CCDC91: variants seen among roughly 807,000 people sequenced by gnomAD.
The protein encoded by CCDC91 is coiled-coil domain-containing protein 91.
Under a neutral mutation model 63.2 loss-of-function variants are expected in CCDC91, and 48 were observed. That is an observed-to-expected ratio of 0.76 (90% CI 0.60 to 0.97). CCDC91 has a LOEUF of 0.97. Among genes scored for constraint, CCDC91 ranks in the 50% least tolerant of loss-of-function variants. The pLI, the probability that CCDC91 is intolerant of heterozygous loss-of-function variation, is 0.00. For missense variants in CCDC91, 500 were observed against 494.6 expected, an observed-to-expected ratio of 1.01 and a Z score of -0.10; for synonymous variants, 167 against 165.8, an observed-to-expected ratio of 1.01 and a Z score of -0.06.
At chr12:28,454,247 G>A (rs1240955106) in intron 11 of CCDC91, among the ~76,000 whole-genome samples, 2 of 152,054 alleles carry the variant, frequency 1.3e-5, no homozygotes, top group Non-Finnish European at 2.9e-5. Context: ...TGGTTTCTAT[G>A]CATTAGAAAT....
intron 3 of CCDC91, among the ~76,000 whole-genome samples, chr12:28,266,859 T>C (rs1272478158): frequency 3.3e-5 from 5 of 151,776 alleles, no homozygotes; most frequent in Non-Finnish European, 7.4e-5. Flanking sequence ...CTCTTTATAA[T>C]CCTAAGTTAG....
rs76831754 is a variant in CCDC91, at chr12:28,192,593, C to G, written c.-15+1952C>G. On this transcript the variant is annotated intron_variant, in intron 1 of 12. Transcript: ENST00000536442. ...ATTAACTCTTGGTGTTTATGTATAT[C>G]TGTTTCTTATTTACTAACGATAAAT... 1.3e-3 allele frequency among the ~76,000 whole-genome samples: 193 copies of G among 152,202 alleles called. 1 individual carries two copies. The highest frequency in any genetic ancestry group is 4.5e-3 in the African/African-American group (188 of 41,514).
chr12:28,329,596 A>G (rs1397130361), intron 6 of CCDC91, among the ~76,000 whole-genome samples: 2 of 152,142 alleles, frequency 1.3e-5, no homozygotes, highest in Admixed American at 6.6e-5. Context: ...ATTGTCAGAT[A>G]TTAAGGACAT....
chr12:28,297,784 T>A (rs1284350566), intron 3 of CCDC91, among the ~76,000 whole-genome samples: 2 of 151,878 alleles, frequency 1.3e-5, no homozygotes, highest in Non-Finnish European at 3.0e-5. Flanking sequence ...TTTGGAACTT[T>A]AAAAATTGCA....
chr12:28,233,056 T>A (rs529340920), intron 1 of CCDC91, among the ~76,000 whole-genome samples: 5 of 152,208 alleles, frequency 3.3e-5, no homozygotes, highest in Admixed American at 3.3e-4. Flanking sequence ...CTAAGTCTTT[T>A]TTTTCCCCAA....
intron 11 of CCDC91, among the ~76,000 whole-genome samples, chr12:28,460,664 A>G (rs761968842): frequency 5.3e-5 from 8 of 152,014 alleles, no homozygotes; most frequent in Non-Finnish European, 1.0e-4. Flanking sequence ...GTCAAATACT[A>G]TTGAAGGAAC....
chr12:28,301,427 T>A (rs967924930), intron 3 of CCDC91, among the ~76,000 whole-genome samples: 10 of 151,656 alleles, frequency 6.6e-5, no homozygotes, highest in Admixed American at 5.3e-4. Flanking sequence ...ATTGGTTCAT[T>A]ACATATCATT....
chr12:28,538,119 G>T (rs1942326989), intron 12 of CCDC91, among the ~76,000 whole-genome samples: 1 of 147,730 alleles, frequency 6.8e-6, no homozygotes, highest in African/African-American at 2.5e-5. Context: ...TATTTTTAGG[G>T]TTTTTTTTTA....
intron 8 of CCDC91, among the ~76,000 whole-genome samples, chr12:28,441,520 G>T (rs1203521481): frequency 6.6e-6 from 1 of 151,644 alleles, no homozygotes; most frequent in Non-Finnish European, 1.5e-5. Context: ...TAATAAAAAG[G>T]AATTTACTGA....
rs541069997 is a variant in CCDC91, at chr12:28,431,960, G to A, written c.763-18201G>A. ...TCTATAGTTTTGCCTTTTCCAGAAG[G>A]TCGTATATTTGGAACCATACAATAT... On this transcript the variant is annotated intron_variant, in intron 8 of 12. Coordinates refer to ENST00000536442, the MANE Select transcript of CCDC91 (RefSeq NM_018318.5). Among the ~76,000 whole-genome samples, 8 of 151,850 alleles carry A rather than the reference G, an allele frequency of 5.3e-5. No individual in the cohort carries two copies. In the East Asian group the frequency reaches 1.5e-3, roughly 29 times the overall value.
chr12:28,531,152 T>C (rs1941697346), intron 12 of CCDC91, among the ~76,000 whole-genome samples: 1 of 152,182 alleles, frequency 6.6e-6, no homozygotes, highest in Non-Finnish European at 1.5e-5. Context: ...TATTGTCTTA[T>C]GTGCTTTTCA....
rs1331525337 is a variant in CCDC91, at chr12:28,362,439, A to G, written c.578A>G (p.Glu193Gly). 12 of 1,569,422 alleles carry G rather than the reference A, an allele frequency of 7.6e-6. No homozygotes were observed. Among genetic ancestry groups the G allele is most frequent in the Admixed American group, 1.9e-5 (1 of 52,856 alleles). The change falls in exon 7 of 13, where the codon GAA (glutamate) becomes GGA (glycine). Residue 193 changes from glutamate to glycine, a missense_variant and splice_region_variant. Physicochemically the swap from Glu to Gly is moderately conservative, Grantham distance 98. Transcript: ENST00000536442. ...GTTTTAGTTTCTTTTTTCTTTCAGG[A>G]AAAACATAAACAAGAATTGGAAGAC... is the stretch of plus-strand genomic sequence containing the variant. ...SFQDRYKELQ[E>G]KHKQELEDMR...
chr12:28,242,940 T>G (rs1274984857), intron 1 of CCDC91, among the ~76,000 whole-genome samples: 4 of 152,278 alleles, frequency 2.6e-5, no homozygotes, highest in African/African-American at 9.6e-5. Flanking sequence ...CTGCTTCCCC[T>G]CTGCCTTCTG....
intron 8 of CCDC91, among the ~76,000 whole-genome samples, chr12:28,445,138 GT>G (rs1402576207): frequency 6.6e-6 from 1 of 152,138 alleles, no homozygotes; most frequent in Non-Finnish European, 1.5e-5. Context: ...GGCATGTACT[GT>G]TTTAGGAACT....
intron 8 of CCDC91, among the ~76,000 whole-genome samples, chr12:28,431,448 T>C (rs1948620875): frequency 6.6e-6 from 1 of 152,174 alleles, no homozygotes; most frequent in African/African-American, 2.4e-5. Context: ...CCTGTTGTTA[T>C]TTTGTAGTGA....
At chr12:28,236,985 G>C (rs901660632) in intron 1 of CCDC91, among the ~76,000 whole-genome samples, 1 of 151,864 alleles carries the variant, frequency 6.6e-6, no homozygotes, top group African/African-American at 2.4e-5. Flanking sequence ...TTTGAATATA[G>C]TAGGGACTCT....
At chr12:28,322,860 C>A (rs918550104) in intron 6 of CCDC91, among the ~76,000 whole-genome samples, 19 of 151,482 alleles carry the variant, frequency 1.3e-4, no homozygotes, top group Non-Finnish European at 2.7e-4. Flanking sequence ...TGGGTATTGC[C>A]AGACTTTTAA....
At position 28,422,556 on chromosome 12, in the gene CCDC91, A is replaced by T. The variant is rs139465889; in HGVS notation, c.763-27605A>T. ...CTTGAGACCCTTTATTTGCCAGGAAAAACACATTTTATTAACTGCTAATTA... is the reference window on the plus strand; with the variant it reads ...CTTGAGACCCTTTATTTGCCAGGAATAACACATTTTATTAACTGCTAATTA... On this transcript the variant is annotated intron_variant, in intron 8 of 12. Transcript: ENST00000536442. Among the ~76,000 whole-genome samples the T allele has an allele frequency of 1.1e-3, 162 of 152,192 alleles. 4 individuals are homozygous for T. In the East Asian group the frequency reaches 0.028, roughly 26 times the overall value.
At chr12:28,440,794 C>T (rs1339191311) in intron 8 of CCDC91, among the ~76,000 whole-genome samples, 3 of 151,902 alleles carry the variant, frequency 2.0e-5, no homozygotes, top group African/African-American at 7.2e-5. Flanking sequence ...AGCAGTGGCT[C>T]ACGCCTGTAA....
Sources: allele counts gnomAD v4.1 joint callset (sites outside exome capture counted in the v4.1 genomes callset), GRCh38; gene constraint gnomAD v4.1.1; transcripts MANE v1.5; gene names NCBI Gene and HGNC (gene_info 2026-07-23, HGNC 2026-07-21).